Variants in FIRRM observed in about 807,000 individuals in gnomAD.
FIRRM encodes the protein FIGNL1 interacting regulator of recombination and mitosis, also known as FIGNL1-interacting regulator of recombination and mitosis.
At chr1:169,850,500 G>C in the FIRRM span, 3 of 572,302 alleles carry the variant, frequency 5.2e-6, no homozygotes, top group East Asian at 5.7e-5. Context: ...TGAGGCCACA[G>C]AAGTAAAACA....
At chr1:169,843,122 A>G in the FIRRM span, among the ~76,000 whole-genome samples, 1 of 152,380 alleles carries the variant, frequency 6.6e-6, no homozygotes, top group East Asian at 1.9e-4. Flanking sequence ...AGCTAAAGGC[A>G]ACAGCCATAC....
At chr1:169,847,622 G>C in the FIRRM span, 1 of 1,119,652 alleles carries the variant, frequency 8.9e-7, no homozygotes, top group South Asian at 1.4e-5. Context: ...CCAAATCTTA[G>C]GCAGTTATTG....
the FIRRM span, chr1:169,832,463 T>C: frequency 6.2e-7 from 1 of 1,613,826 alleles, no homozygotes; most frequent in South Asian, 1.1e-5. Flanking sequence ...AACCTATCAA[T>C]ACTGTTGAAG....
the FIRRM span, chr1:169,842,461 T>G: frequency 5.6e-6 from 9 of 1,614,006 alleles, no homozygotes; most frequent in Non-Finnish European, 7.6e-6. Context: ...ATTCTGCTGG[T>G]GAAGCTTTGG....
At chr1:169,843,527 A>G in the FIRRM span, 1 of 590,002 alleles carries the variant, frequency 1.7e-6, no homozygotes, top group Non-Finnish European at 3.0e-6. Flanking sequence ...TCTACCTCAT[A>G]GAGCTGTTTT....
At chr1:169,815,629 G>C in the FIRRM span, among the ~76,000 whole-genome samples, 1 of 152,148 alleles carries the variant, frequency 6.6e-6, no homozygotes, top group Non-Finnish European at 1.5e-5. Flanking sequence ...CTTAGATTTG[G>C]TGGGTTTTGG....
the FIRRM span, among the ~76,000 whole-genome samples, chr1:169,788,927 A>C: frequency 6.6e-6 from 1 of 152,202 alleles, no homozygotes; most frequent in Admixed American, 6.5e-5. Context: ...AACTCCTTTT[A>C]AGGGCTATCT....
At chr1:169,804,416 C>G in the FIRRM span, 5 of 405,146 alleles carry the variant, frequency 1.2e-5, no homozygotes, top group Admixed American at 2.2e-4. Context: ...ATTTTGGGTA[C>G]CTTAACCTAG....
chr1:169,813,308 C>G, the FIRRM span, among the ~76,000 whole-genome samples: 1 of 152,122 alleles, frequency 6.6e-6, no homozygotes, highest in African/African-American at 2.4e-5. Context: ...TAACTTTCCC[C>G]AGATCATATA....
chr1:169,801,445 CAA>C, the FIRRM span, among the ~76,000 whole-genome samples: 14 of 61,718 alleles, frequency 2.3e-4, no homozygotes, highest in African/African-American at 6.5e-4. Flanking sequence ...TGCTCCGTCT[CAA>C]AAAAAAAAAA....
At chr1:169,853,947 AC>A in the FIRRM span, 6 of 707,642 alleles carry the variant, frequency 8.5e-6, no homozygotes, top group Non-Finnish European at 1.2e-5. Context: ...GGATTACAAA[AC>A]CATGGCACTG....
At chr1:169,784,303 A>G in the FIRRM span, among the ~76,000 whole-genome samples, 1 of 152,040 alleles carries the variant, frequency 6.6e-6, no homozygotes, top group African/African-American at 2.4e-5. Flanking sequence ...CTGTTTCTTG[A>G]TTGTCTCTAC....
At chr1:169,803,189 A>G in the FIRRM span, 1 of 1,613,892 alleles carries the variant, frequency 6.2e-7, no homozygotes, top group African/African-American at 1.3e-5. Flanking sequence ...AGCTCTTAGG[A>G]GCTCTCACAG....
chr1:169,847,641 C>A, the FIRRM span: 2 of 1,335,042 alleles, frequency 1.5e-6, no homozygotes, highest in Non-Finnish European at 2.1e-6. Flanking sequence ...TGTGTCTGTA[C>A]AAAATACTGG....
At chr1:169,788,378 T>C in the FIRRM span, among the ~76,000 whole-genome samples, 5 of 152,352 alleles carry the variant, frequency 3.3e-5, 1 homozygote, top group African/African-American at 1.2e-4. Context: ...ACTTAGTGAA[T>C]AGTAAATATG....
chr1:169,804,108 C>G, the FIRRM span: 4 of 1,535,636 alleles, frequency 2.6e-6, no homozygotes, highest in Non-Finnish European at 3.5e-6. Context: ...GTGTTTACAC[C>G]TAGTTTCAGA....
the FIRRM span, among the ~76,000 whole-genome samples, chr1:169,831,655 G>T: frequency 6.6e-6 from 1 of 152,174 alleles, no homozygotes; most frequent in African/African-American, 2.4e-5. Context: ...TGTAGGAATG[G>T]ATTTCTTCTA....
the FIRRM span, chr1:169,853,011 G>A: frequency 3.2e-6 from 5 of 1,581,024 alleles, no homozygotes; most frequent in Admixed American, 7.2e-5. Context: ...GCAGAACTGG[G>A]TTTGATGCTT....
chr1:169,811,358 A>C, the FIRRM span, among the ~76,000 whole-genome samples: 1 of 152,170 alleles, frequency 6.6e-6, no homozygotes, highest in Non-Finnish European at 1.5e-5. Flanking sequence ...AAATTTTATT[A>C]GTATTTTAAT....
Sources: allele counts gnomAD v4.1 joint callset (sites outside exome capture counted in the v4.1 genomes callset), GRCh38; gene constraint gnomAD v4.1.1; transcripts MANE v1.5; gene names NCBI Gene and HGNC (gene_info 2026-07-23, HGNC 2026-07-21).